The following STAB2 variants were observed in gnomAD, a reference collection of about 807,000 sequenced individuals.
STAB2 encodes stabilin 2, also known as stabilin-2.
STAB2 carries 288 observed loss-of-function variants against 338.1 expected under a neutral mutation model. The ratio of observed to expected loss-of-function variants is 0.85; its 90% CI spans 0.77 to 0.94. The LOEUF (loss-of-function observed/expected upper bound fraction) is 0.94, where lower values mean the gene tolerates loss of function less well. Among genes scored for constraint, STAB2 ranks in the 40% least tolerant of loss-of-function variants. The pLI, the probability that STAB2 is intolerant of heterozygous loss-of-function variation, is 0.00. For missense variants in STAB2, 3,141 were observed against 3,210.1 expected (o/e 0.98, Z 0.52); for synonymous variants, 1,202 against 1,193.3 (o/e 1.01, Z -0.15).
At chr12:103,651,132 G>A (rs774875394) in intron 11 of STAB2, among the ~76,000 whole-genome samples, 17 of 152,196 alleles carry the variant, frequency 1.1e-4, no homozygotes, top group Non-Finnish European at 2.1e-4. Flanking sequence ...GCGTCCTATC[G>A]AGATGGCATC....
intron 25 of STAB2, 70 bp from the exon 26 acceptor site, chr12:103,683,135 C>A: frequency 1.5e-6 from 2 of 1,364,604 alleles, no homozygotes; most frequent in Non-Finnish European, 2.1e-6. Context: ...TTTCTCAGTG[C>A]TGTGTGAGGG....
chr12:103,602,089 C>T (rs1956962431), intron 3 of STAB2, among the ~76,000 whole-genome samples: 1 of 152,182 alleles, frequency 6.6e-6, no homozygotes, highest in Admixed American at 6.5e-5. Flanking sequence ...GGAACAGTTG[C>T]ATATCCCCCC....
At chr12:103,762,237 T>C in intron 66 of STAB2, 37 bp from the exon 67 acceptor site, 3 of 1,608,094 alleles carry the variant, frequency 1.9e-6, no homozygotes, top group African/African-American at 1.3e-5. Flanking sequence ...GAGTCAGAAG[T>C]TTTAAGAATG....
At chr12:103,702,593 C>G (rs1040646613) in intron 34 of STAB2, among the ~76,000 whole-genome samples, 2 of 152,260 alleles carry the variant, frequency 1.3e-5, no homozygotes, top group African/African-American at 4.8e-5. Flanking sequence ...GCCACCGCGC[C>G]CGGCCTATCA....
Position 103,755,383 on chromosome 12 carries a change from G to T in STAB2, c.6796G>T (p.Gly2266Cys). 6.2e-7 allele frequency: 1 copy of T among 1,614,148 alleles called. No individual in the cohort carries two copies. Reference protein sequence around the residue: ...YPTAFASQNCGSGVVGIVDYG... With the variant: ...YPTAFASQNCCSGVVGIVDYG... ...CACAGCCTTCGCCTCCCAGAACTGTGGCTCTGGTGTGGTTGGGATAGTGGA... is the reference window on the plus strand; with the variant it reads ...CACAGCCTTCGCCTCCCAGAACTGTTGCTCTGGTGTGGTTGGGATAGTGGA... The change falls in exon 62 of 69, where the codon GGC becomes TGC. Residue 2266 changes from glycine to cysteine, a missense_variant. Gly to Cys is a radical substitution (Grantham distance 159). Transcript: ENST00000388887.
At chr12:103,764,807 G>GT (rs1884800406) in intron 68 of STAB2, among the ~76,000 whole-genome samples, 1 of 151,974 alleles carries the variant, frequency 6.6e-6, no homozygotes, top group Admixed American at 6.6e-5. Flanking sequence ...CATTTCAAGG[G>GT]TAAGTTCGGG....
chr12:103,763,655 G>C lies in STAB2; in HGVS notation c.7605+47G>C, dbSNP rs202180354. On this transcript the variant is annotated intron_variant, in intron 68 of 68. Transcript: ENST00000388887. Reference sequence around the variant, plus strand: ...GGAATAGGTTCCCTTGGGGTACAGGGGAATGATGTCTTTTAGGAAATTTCA... The same window carrying C: ...GGAATAGGTTCCCTTGGGGTACAGGCGAATGATGTCTTTTAGGAAATTTCA... 2.0e-6 allele frequency: 3 copies of C among 1,506,612 alleles called. No individual in the cohort carries two copies. The African/African-American group carries it at 4.2e-5, about 21-fold the overall frequency. 93.3% of individuals were successfully genotyped at this position (1,506,612 alleles called of 1,614,324 possible).
intron 11 of STAB2, 124 bp downstream of exon 11, chr12:103,650,702 AT>A: frequency 1.4e-6 from 1 of 697,218 alleles, no homozygotes; most frequent in Non-Finnish European, 2.4e-6. Flanking sequence ...AAGGATGGTG[AT>A]TTTTTGATAA....
At chr12:103,683,425 T>C (rs1305546035) in intron 26 of STAB2, 125 bp downstream of exon 26, 4 of 783,874 alleles carry the variant, frequency 5.1e-6, no homozygotes, top group Non-Finnish European at 7.8e-6. Flanking sequence ...AGGGAATCTC[T>C]AAGCAGAATG....
At chr12:103,751,740 C>T (rs566040225) in intron 60 of STAB2, among the ~76,000 whole-genome samples, 10 of 152,164 alleles carry the variant, frequency 6.6e-5, no homozygotes, top group Non-Finnish European at 1.3e-4. Context: ...GTTCCCAAAG[C>T]CCACTTCCAA....
At position 103,666,370 on chromosome 12, in the gene STAB2, C is replaced by A; in HGVS notation, c.2085+17C>A. Reference sequence around the variant, plus strand: ...GAGCCCACAGTGAGTGTGACAGCTTCATGAAAGCACAGATCACCCAAGCAG... The same window carrying A: ...GAGCCCACAGTGAGTGTGACAGCTTAATGAAAGCACAGATCACCCAAGCAG... On this transcript the variant is annotated intron_variant, in intron 19 of 68. Coordinates refer to ENST00000388887, the MANE Select transcript of STAB2 (RefSeq NM_017564.10). 1 of 1,614,030 alleles carries A rather than the reference C, an allele frequency of 6.2e-7. No individual in the cohort carries two copies. Among genetic ancestry groups the A allele is most frequent in the South Asian group, 1.1e-5 (1 of 91,074 alleles).
chr12:103,622,654 A>C (rs909213601), intron 5 of STAB2, among the ~76,000 whole-genome samples: 1 of 152,264 alleles, frequency 6.6e-6, no homozygotes, highest in Middle Eastern at 3.2e-3. Flanking sequence ...CCAAGTCTAC[A>C]TAGAGAAAAC....
At chr12:103,729,577 T>G (rs1881474457) in intron 48 of STAB2, among the ~76,000 whole-genome samples, 1 of 152,162 alleles carries the variant, frequency 6.6e-6, no homozygotes, top group African/African-American at 2.4e-5. Context: ...CTCAGAAAGG[T>G]TAAGTAACTT....
chr12:103,720,362 C>T (rs12424999), intron 44 of STAB2, among the ~76,000 whole-genome samples: 12,270 of 152,182 alleles, frequency 0.081, 592 homozygotes, highest in Admixed American at 0.13. Flanking sequence ...AAATTATAGG[C>T]CATCAGGGGC....
chr12:103,640,218 G>C lies in STAB2; in HGVS notation c.1002G>C (p.Arg334Ser), dbSNP rs375893662. 5.0e-6 allele frequency: 8 copies of C among 1,613,572 alleles called. No homozygotes were observed. The African/African-American group carries it at 1.1e-4, about 22-fold the overall frequency. ...DICKSDNPCH[R>S]NANCTTVAPG... is the part of the protein sequence containing the mutation. The stretch of plus-strand genomic sequence containing the variant: ...GTAAATCAGATAACCCGTGTCATAG[G>C]AATGCAAATTGCACCACCGTCGCAC... Residue 334 changes from arginine to serine, a missense_variant, in exon 9 of 69, where the codon AGG (arginine) becomes AGC (serine). Arg to Ser is a moderately radical substitution (Grantham distance 110). Transcript: ENST00000388887.
At chr12:103,684,001 C>T (rs78390898) in intron 26 of STAB2, among the ~76,000 whole-genome samples, 1,856 of 152,272 alleles carry the variant, frequency 0.012, 15 homozygotes, top group Non-Finnish European at 0.019. Flanking sequence ...TATAGCTAGA[C>T]TTCCCAAGAG....
chr12:103,648,789 G>A lies in STAB2; in HGVS notation c.1140G>A (p.Trp380Ter). Reference sequence around the variant, plus strand: ...TAAATACTGAACCCAGAGGAAAATGGCAAGGAAGGCTGACCTCTTTCATCT... The same window carrying A: ...TAAATACTGAACCCAGAGGAAAATGACAAGGAAGGCTGACCTCTTTCATCT... The part of the protein sequence containing the change: ...RELNTEPRGK[W>*]QGRLTSFISL... The change falls in exon 10 of 69, where the codon TGG (tryptophan) becomes TGA (stop). Residue 380 changes from tryptophan to a stop codon, truncating the protein, a stop_gained. Transcript: ENST00000388887. LOFTEE classifies it high-confidence loss of function. 14 of 1,614,106 alleles carry A rather than the reference G, an allele frequency of 8.7e-6. No individual in the cohort carries two copies. The highest frequency in any genetic ancestry group is 2.7e-5 in the African/African-American group (2 of 75,046).
At chr12:103,757,559 T>C (rs938610372) in intron 63 of STAB2, among the ~76,000 whole-genome samples, 7 of 152,250 alleles carry the variant, frequency 4.6e-5, no homozygotes, top group Admixed American at 3.3e-4. Context: ...GTCCCCCTTC[T>C]GTCTGAAGTG....
chr12:103,762,303 G>T lies in STAB2; in HGVS notation c.7389G>T (p.Gly2463=). The T allele has an allele frequency of 6.2e-7, 1 of 1,614,220 alleles. No homozygotes were observed. The highest frequency in any genetic ancestry group is 8.5e-7 in the Non-Finnish European group (1 of 1,180,040). Residue 2463 remains glycine (G), a synonymous_variant, in exon 67 of 69, where the codon GGG becomes GGT. Coordinates refer to ENST00000388887, the MANE Select transcript of STAB2 (RefSeq NM_017564.10). ...TGACCCACACTGGCTTGGGAGCAGG[G>T]ATCTTCTTTGCCATCATCCTGGTGA... ...VTLTHTGLGA[G]IFFAIILVTG...
Sources: allele counts gnomAD v4.1 joint callset (sites outside exome capture counted in the v4.1 genomes callset), GRCh38; gene constraint gnomAD v4.1.1; transcripts MANE v1.5; gene names NCBI Gene and HGNC (gene_info 2026-07-23, HGNC 2026-07-21).